LOC112694756: variants seen among roughly 807,000 people sequenced by gnomAD.
At chr16:30,061,761 T>C in the LOC112694756 span, among the ~76,000 whole-genome samples, 1 of 151,454 alleles carries the variant, frequency 6.6e-6, no homozygotes, top group African/African-American at 2.4e-5. Flanking sequence ...GGTTTCGCCA[T>C]GTTGGCCCAG....
At chr16:30,064,542 C>T in the LOC112694756 span, 1 of 398,690 alleles carries the variant, frequency 2.5e-6, no homozygotes, top group East Asian at 3.6e-5. Flanking sequence ...TCAATAGGGC[C>T]GACCCAAGTC....
At chr16:30,069,236 G>T in the LOC112694756 span, 1 of 1,536,060 alleles carries the variant, frequency 6.5e-7, no homozygotes, top group Non-Finnish European at 9.0e-7. Flanking sequence ...CTTGACCAGT[G>T]GCTGTGGAGA....
At chr16:30,054,797 CGTGGAA>C in the LOC112694756 span, 2 of 399,206 alleles carry the variant, frequency 5.0e-6, no homozygotes, top group Non-Finnish European at 8.8e-6. Flanking sequence ...TCCTCTAGCC[CGTGGAA>C]TCCAACCCCG....
the LOC112694756 span, chr16:30,067,464 C>G: frequency 6.2e-7 from 1 of 1,613,180 alleles, no homozygotes; most frequent in Non-Finnish European, 8.5e-7. Context: ...CATTGCCAAG[C>G]GGCTGCAGTC....
chr16:30,070,286 C>T, the LOC112694756 span: 2 of 1,468,932 alleles, frequency 1.4e-6, no homozygotes, highest in African/African-American at 1.4e-5. Context: ...AGGCCGCCTC[C>T]TCGGGGCTCC....
the LOC112694756 span, chr16:30,069,864 G>C: frequency 1.3e-4 from 205 of 1,614,160 alleles, 2 homozygotes; most frequent in South Asian, 2.1e-3. Flanking sequence ...AGAGTGAGGA[G>C]GAGGCGTCCA....
At chr16:30,069,745 G>A in the LOC112694756 span, 3 of 1,611,198 alleles carry the variant, frequency 1.9e-6, no homozygotes, top group Non-Finnish European at 2.5e-6. Context: ...CCATTTGGAC[G>A]GATTTCCATG....
At chr16:30,068,956 G>T in the LOC112694756 span, 3 of 1,614,238 alleles carry the variant, frequency 1.9e-6, no homozygotes, top group East Asian at 4.5e-5. Flanking sequence ...GTTCTGGCCC[G>T]TTATGCCAGT....
At chr16:30,066,929 T>A in the LOC112694756 span, 1 of 1,550,874 alleles carries the variant, frequency 6.4e-7, no homozygotes. Context: ...GGGTCCAGCT[T>A]CAACATGACC....
the LOC112694756 span, chr16:30,066,805 T>C: frequency 3.4e-6 from 5 of 1,456,510 alleles, no homozygotes; most frequent in Non-Finnish European, 4.6e-6. Context: ...ATCTGGGCCC[T>C]TTCCCACGAG....
chr16:30,068,659 T>C, the LOC112694756 span: 2 of 1,614,170 alleles, frequency 1.2e-6, no homozygotes, highest in South Asian at 1.1e-5. Flanking sequence ...GACAAGGGCG[T>C]GGTCCCCCTG....
chr16:30,063,110 CACCCTGGGCAACAGAGTGAG>C, the LOC112694756 span, among the ~76,000 whole-genome samples: 1 of 151,080 alleles, frequency 6.6e-6, no homozygotes, highest in African/African-American at 2.4e-5. Flanking sequence ...CATTGCACTC[CACCCTGGGCAACAGAGTGAG>C]ACCCTGTCTC....
At chr16:30,067,103 C>A in the LOC112694756 span, 1 of 1,570,192 alleles carries the variant, frequency 6.4e-7, no homozygotes. Context: ...AGAAGTGCCC[C>A]AGGGCCTGCT....
At chr16:30,068,785 C>T in the LOC112694756 span, 2 of 1,614,220 alleles carry the variant, frequency 1.2e-6, no homozygotes, top group Non-Finnish European at 1.7e-6. Context: ...ATGCCCCTCC[C>T]CACCGTGCTC....
the LOC112694756 span, among the ~76,000 whole-genome samples, chr16:30,059,456 G>A: frequency 2.1e-4 from 32 of 151,734 alleles, no homozygotes; most frequent in African/African-American, 7.7e-4. Flanking sequence ...CCGAGATCGT[G>A]CCACTGCACT....
chr16:30,068,468 G>C, the LOC112694756 span: 4 of 710,812 alleles, frequency 5.6e-6, no homozygotes, highest in Non-Finnish European at 5.1e-6. Context: ...GGCTAAAGAA[G>C]AGGAAAGAGG....
chr16:30,064,656 G>A, the LOC112694756 span: 1 of 393,624 alleles, frequency 2.5e-6, no homozygotes, highest in East Asian at 3.6e-5. Flanking sequence ...GGCGGGAAAA[G>A]GGCAGGGGTC....
the LOC112694756 span, among the ~76,000 whole-genome samples, chr16:30,058,312 C>G: frequency 6.6e-6 from 1 of 152,144 alleles, no homozygotes; most frequent in Non-Finnish European, 1.5e-5. Flanking sequence ...CTTGTAATAA[C>G]AGCCCAGAAG....
chr16:30,053,656 A>G, the LOC112694756 span, among the ~76,000 whole-genome samples: 1 of 152,212 alleles, frequency 6.6e-6, no homozygotes, highest in Non-Finnish European at 1.5e-5. Context: ...GAGTCCAGGA[A>G]TGGACTTCCC....
Sources: gnomAD v4.1 joint callset for allele counts (sites outside exome capture counted in the v4.1 genomes callset) on GRCh38, gnomAD v4.1.1 for gene constraint, MANE v1.5 for transcripts.